TAF4: variants seen among roughly 807,000 people sequenced by gnomAD.
TAF4 encodes TATA-box binding protein associated factor 4.
A neutral mutation model predicts 90.3 loss-of-function variants in TAF4; 9 were observed. The observed-to-expected ratio is 0.10, with a 90% CI of 0.06 to 0.17. The LOEUF (loss-of-function observed/expected upper bound fraction) is 0.17. Ranked by LOEUF, TAF4 falls within the 10% of genes least tolerant of loss-of-function variation. The probability of loss-of-function intolerance (pLI) is 1.00; values close to 1 mark genes in which losing one functional copy is unlikely to be tolerated. For synonymous variants in TAF4, 818 were observed against 638.9 expected (o/e 1.28, Z -4.23); for missense variants, 1,351 against 1,370.7 (o/e 0.99, Z 0.23).
At chr20:62,003,378 T>C (rs1225612592) in intron 8 of TAF4, 104 bp from the exon 9 acceptor site, 6 of 930,896 alleles carry the variant, frequency 6.4e-6, no homozygotes, top group Non-Finnish European at 8.5e-6. Context: ...CTCTCCTAAT[T>C]AGCTACAAGA....
intron 1 of TAF4, among the ~76,000 whole-genome samples, chr20:62,050,888 C>T (rs759429059): frequency 6.6e-6 from 1 of 152,174 alleles, no homozygotes; most frequent in Non-Finnish European, 1.5e-5. Context: ...ACCCACCCAG[C>T]AAGGCCCCTT....
intron 14 of TAF4, among the ~76,000 whole-genome samples, chr20:61,976,959 T>A (rs555107736): frequency 6.6e-6 from 1 of 152,334 alleles, no homozygotes. Flanking sequence ...TGGAGAAGCA[T>A]AGCTGCTGCG....
In TAF4 at chr20:62,064,749, C is replaced by T. The variant is rs1207515243; in HGVS notation, c.1062G>A (p.Ala354=). The T allele has an allele frequency of 5.1e-6, 6 of 1,171,546 alleles. No homozygotes were observed. The highest frequency in any genetic ancestry group is 1.6e-5 in the African/African-American group (1 of 60,622). 72.6% of individuals were successfully genotyped at this position (1,171,546 alleles called of 1,614,324 possible). A position where few individuals can be genotyped will look rare whatever the true frequency, so the allele number is the denominator to read the frequency against. The change falls in exon 1 of 15, where the codon GCG becomes GCA. Residue 354 remains alanine (A), a synonymous_variant. Transcript: ENST00000252996. ...CCGCCAGGGTCTGCGCCGCCGGGGGCGCCGCCTGCACCACCCTCTTGGGCG... is the reference window on the plus strand; with the variant it reads ...CCGCCAGGGTCTGCGCCGCCGGGGGTGCCGCCTGCACCACCCTCTTGGGCG... The part of the protein sequence containing the change: ...AESPKRVVQA[A]PPAAQTLAAS...
At chr20:62,025,804 A>T (rs1295456040) in intron 1 of TAF4, among the ~76,000 whole-genome samples, 3 of 152,194 alleles carry the variant, frequency 2.0e-5, no homozygotes, top group Non-Finnish European at 4.4e-5. Flanking sequence ...TAAAACACAC[A>T]GACTCCCCTG....
intron 1 of TAF4, among the ~76,000 whole-genome samples, chr20:62,053,389 T>C (rs2056041603): frequency 6.6e-6 from 1 of 152,218 alleles, no homozygotes; most frequent in Admixed American, 6.5e-5. Context: ...CCCAGCTCTC[T>C]GCCGCTCTGG....
rs1166998744 is a variant in TAF4, at chr20:61,975,185, C to A, written c.*983G>T. 6.6e-6 allele frequency: 1 copy of A among 152,308 alleles called. No individual in the cohort carries two copies. Among genetic ancestry groups the A allele is most frequent in the Non-Finnish European group, 1.5e-5 (1 of 68,016 alleles). The allele number at this position is 152,308 out of a possible 1,614,324, so 9.4% of individuals were successfully genotyped here. On this transcript the variant is annotated 3_prime_UTR_variant, in exon 15 of 15. Transcript: ENST00000252996. The stretch of plus-strand genomic sequence containing the variant: ...TAAAAAAATAGGTACAAAGAAGGGG[C>A]TTTGCTCTGGACGTCTGTAAAGTCG...
chr20:62,012,990 C>G, intron 2 of TAF4, 56 bp from the exon 3 acceptor site: 2 of 1,599,942 alleles, frequency 1.3e-6, no homozygotes, highest in South Asian at 2.2e-5. Context: ...ATTCCCACCC[C>G]CAGGTACACA....
intron 1 of TAF4, among the ~76,000 whole-genome samples, chr20:62,021,394 T>C (rs1185815359): frequency 1.3e-5 from 2 of 152,204 alleles, no homozygotes; most frequent in Non-Finnish European, 2.9e-5. Context: ...GCCAGGGCGC[T>C]GGGGCTGGCC....
chr20:62,053,279 G>T (rs181355261), intron 1 of TAF4, among the ~76,000 whole-genome samples: 1 of 152,164 alleles, frequency 6.6e-6, no homozygotes, highest in African/African-American at 2.4e-5. Context: ...GAGCCACGGC[G>T]GCCCTGAGTG....
intron 1 of TAF4, among the ~76,000 whole-genome samples, chr20:62,053,847 A>G (rs947230565): frequency 6.6e-6 from 1 of 152,234 alleles, no homozygotes; most frequent in Admixed American, 6.5e-5. Flanking sequence ...AGAGGCCTGC[A>G]TCACTTCTGA....
At chr20:61,985,924 G>GCACCATCCCCAACCAAAGGAAA (rs2055587242) in intron 14 of TAF4, among the ~76,000 whole-genome samples, 1 of 113,540 alleles carries the variant, frequency 8.8e-6, no homozygotes, top group African/African-American at 3.5e-5. Flanking sequence ...ACCAAAGGAA[G>GCACCATCCCCAACCAAAGGAAA]CACCATCCCC....
In TAF4 at chr20:62,014,565, G is replaced by C; in HGVS notation, c.1503C>G (p.Val501=). 1 of 1,613,672 alleles carries C rather than the reference G, an allele frequency of 6.2e-7. No homozygotes were observed. The highest frequency in any genetic ancestry group is 1.1e-5 in the South Asian group (1 of 91,036). ...CACTCACCTGTACGGTGGAGATCTG[G>C]ACGGGAGGGGCACTTGTGGGGGTGG... is the stretch of plus-strand genomic sequence containing the variant. ...RPATPTSAPP[V]QISTVQAPGT... The change falls in exon 2 of 15, where the codon GTC becomes GTG. Residue 501 remains valine (V), a synonymous_variant. Coordinates refer to ENST00000252996, the MANE Select transcript of TAF4 (RefSeq NM_003185.4).
At chr20:62,063,929 T>G (rs1353175062) in intron 1 of TAF4, among the ~76,000 whole-genome samples, 1 of 152,212 alleles carries the variant, frequency 6.6e-6, no homozygotes, top group East Asian at 1.9e-4. Context: ...CGTCCTCGCC[T>G]GGAGACTGAA....
chr20:62,008,526 T>C (rs2055760342), intron 5 of TAF4, among the ~76,000 whole-genome samples: 1 of 112,828 alleles, frequency 8.9e-6, no homozygotes, highest in Non-Finnish European at 1.7e-5. Flanking sequence ...TGCTGTTCTC[T>C]GCGACAGAGG....
At chr20:62,052,177 T>C (rs550702434) in intron 1 of TAF4, among the ~76,000 whole-genome samples, 1 of 152,148 alleles carries the variant, frequency 6.6e-6, no homozygotes, top group South Asian at 2.1e-4. Context: ...TAAATGACAG[T>C]GGCCTGGATG....
chr20:62,063,493 G>A (rs1256492873), intron 1 of TAF4, among the ~76,000 whole-genome samples: 1 of 152,196 alleles, frequency 6.6e-6, no homozygotes, highest in Admixed American at 6.5e-5. Context: ...TGCTGGCCAG[G>A]CAATCTTTCC....
intron 1 of TAF4, among the ~76,000 whole-genome samples, chr20:62,052,214 G>A (rs1374489084): frequency 6.6e-6 from 1 of 152,038 alleles, no homozygotes; most frequent in Non-Finnish European, 1.5e-5. Context: ...GCATGTCAAA[G>A]GCTCAACCTC....
intron 1 of TAF4, among the ~76,000 whole-genome samples, chr20:62,053,366 G>A (rs111881253): frequency 8.5e-5 from 13 of 152,320 alleles, no homozygotes; most frequent in African/African-American, 3.1e-4. Context: ...ACTGCCCTGT[G>A]ACGAGCTCCC....
At chr20:62,041,827 G>A (rs114690142) in intron 1 of TAF4, among the ~76,000 whole-genome samples, 1,892 of 151,312 alleles carry the variant, frequency 0.013, 43 homozygotes, top group African/African-American at 0.043. Context: ...AGCTACTTAG[G>A]GGAGGCCAAG....
Sources: gnomAD v4.1 joint callset for allele counts (sites outside exome capture counted in the v4.1 genomes callset) on GRCh38, gnomAD v4.1.1 for gene constraint, MANE v1.5 for transcripts, NCBI Gene and HGNC (gene_info 2026-07-23, HGNC 2026-07-21) for gene names.